MYO1E: variants seen among roughly 807,000 people sequenced by gnomAD.
MYO1E encodes myosin IE.
Under a neutral mutation model 151.1 loss-of-function variants are expected in MYO1E, and 68 were observed. The ratio of observed to expected loss-of-function variants is 0.45; its 90% confidence interval spans 0.37 to 0.55. MYO1E has a LOEUF of 0.55. Among genes scored for constraint, MYO1E ranks in the 20% least tolerant of loss-of-function variants. The pLI is 0.00. For missense variants in MYO1E, 1,363 were observed against 1,389.3 expected (o/e 0.98, Z 0.30); for synonymous variants, 601 against 501.7 (o/e 1.20, Z -2.64).
chr15:59,187,701 C>CAT (rs1267559257), intron 18 of MYO1E, among the ~76,000 whole-genome samples: 3 of 152,170 alleles, frequency 2.0e-5, no homozygotes. Flanking sequence ...CTGATGAATG[C>CAT]ATAAGTAAAC....
At chr15:59,227,365 G>C (rs1198291069) in intron 7 of MYO1E, 94 bp downstream of exon 7, 1 of 1,484,716 alleles carries the variant, frequency 6.7e-7, no homozygotes, top group Non-Finnish European at 9.3e-7. Flanking sequence ...GTCCTCCCTG[G>C]CTTCCTAGAC....
intron 15 of MYO1E, among the ~76,000 whole-genome samples, chr15:59,203,273 GCA>G (rs2079813033): frequency 6.6e-6 from 1 of 151,570 alleles, no homozygotes; most frequent in Non-Finnish European, 1.5e-5. Flanking sequence ...GATGCCAGTA[GCA>G]CACTGTTCCC....
chr15:59,266,660 G>GTTT (rs1566996542), intron 2 of MYO1E: 4 of 134,692 alleles, frequency 3.0e-5, no homozygotes, highest in Admixed American at 7.4e-5. Flanking sequence ...TTGTTTTGCT[G>GTTT]TTCTTTTTTT....
At chr15:59,268,174 A>C (rs2080267712) in intron 2 of MYO1E, among the ~76,000 whole-genome samples, 1 of 152,200 alleles carries the variant, frequency 6.6e-6, no homozygotes, top group Admixed American at 6.5e-5. Context: ...CTTAACATTG[A>C]AGTGTTAAAG....
At chr15:59,215,885 C>G (rs907189743) in intron 10 of MYO1E, among the ~76,000 whole-genome samples, 1 of 152,124 alleles carries the variant, frequency 6.6e-6, no homozygotes, top group African/African-American at 2.4e-5. Context: ...GCACCACCCC[C>G]TTGCTGACCA....
rs1396333315 is a variant in MYO1E at position 59,196,983 on chromosome 15, C to T, written c.1699-1416G>A. ...TAGATTTTAGTTTTGTATTTAATTA[C>T]GACTTTTTTTTTTTTTTTTTTTTTT... On this transcript the variant is annotated intron_variant, in intron 16 of 27. Coordinates refer to ENST00000288235, the MANE Select transcript of MYO1E (RefSeq NM_004998.4). Among the ~76,000 whole-genome samples the T allele has an allele frequency of 4.3e-4, 26 of 61,132 alleles. No individual in the cohort carries two copies. The East Asian group carries it at 5.7e-3, about 13-fold the overall frequency. 40.1% of individuals were successfully genotyped at this position (61,132 alleles called of 152,430 possible). A position where few individuals can be genotyped will look rare whatever the true frequency, so the allele number is the denominator to read the frequency against.
chr15:59,325,144 C>G (rs1199015860), intron 1 of MYO1E, among the ~76,000 whole-genome samples: 1 of 152,070 alleles, frequency 6.6e-6, no homozygotes, highest in Non-Finnish European at 1.5e-5. Flanking sequence ...AAGCGATTCT[C>G]CTGCCTCAGC....
Position 59,166,532 on chromosome 15 carries a change from G to C in MYO1E, c.2481-3229C>G, listed in dbSNP as rs1043675440. On this transcript the variant is annotated intron_variant, in intron 22 of 27. Coordinates refer to ENST00000288235, the MANE Select transcript of MYO1E (RefSeq NM_004998.4). The stretch of plus-strand genomic sequence containing the variant: ...GAAATGTTAGTTACAAAACACCAAG[G>C]AAAGTCCTGAAGGAGTTTTGTTTTT... Among the ~76,000 whole-genome samples the C allele has an allele frequency of 3.3e-5, 5 of 151,626 alleles. No individual in the cohort carries two copies. In the South Asian group the frequency reaches 1.0e-3, roughly 32 times the overall value.
chr15:59,164,307 A>T (rs564011504), intron 22 of MYO1E, among the ~76,000 whole-genome samples: 1 of 152,368 alleles, frequency 6.6e-6, no homozygotes, highest in South Asian at 2.1e-4. Flanking sequence ...AATACCAAAG[A>T]CAACCCTTTG....
chr15:59,217,174 C>G (rs2079923938), intron 10 of MYO1E, among the ~76,000 whole-genome samples: 2 of 152,286 alleles, frequency 1.3e-5, no homozygotes, highest in East Asian at 1.9e-4. Flanking sequence ...ATATCTCACC[C>G]TCAGAAACTG....
At chr15:59,303,208 C>A (rs2080493364) in intron 1 of MYO1E, among the ~76,000 whole-genome samples, 1 of 152,150 alleles carries the variant, frequency 6.6e-6, no homozygotes, top group Non-Finnish European at 1.5e-5. Flanking sequence ...ATCTAAAATG[C>A]AAAAGCCAGC....
chr15:59,359,199 G>A (rs911343245), intron 1 of MYO1E, among the ~76,000 whole-genome samples: 1 of 151,536 alleles, frequency 6.6e-6, no homozygotes, highest in African/African-American at 2.4e-5. Flanking sequence ...ACCAAGGCAG[G>A]AGAATCGCTG....
At chr15:59,220,330 T>G (rs1439632156) in intron 9 of MYO1E, among the ~76,000 whole-genome samples, 1 of 152,168 alleles carries the variant, frequency 6.6e-6, no homozygotes, top group Non-Finnish European at 1.5e-5. Context: ...GCACCTGTAA[T>G]CCCAGCTACT....
intron 25 of MYO1E, among the ~76,000 whole-genome samples, chr15:59,154,384 C>T (rs1197405230): frequency 6.6e-6 from 1 of 152,210 alleles, no homozygotes; most frequent in South Asian, 2.1e-4. Context: ...CAAGCTCTCT[C>T]AGCCAAACAG....
chr15:59,331,017 G>A (rs1246770182), intron 1 of MYO1E, among the ~76,000 whole-genome samples: 3 of 152,038 alleles, frequency 2.0e-5, no homozygotes, highest in African/African-American at 4.8e-5. Flanking sequence ...CAATCCTCCT[G>A]TGTCGTCCTC....
intron 1 of MYO1E, among the ~76,000 whole-genome samples, chr15:59,318,536 C>T (rs13329333): frequency 0.019 from 2,835 of 151,876 alleles, 89 homozygotes; most frequent in African/African-American, 0.063. Flanking sequence ...AGATTAAAAC[C>T]AAAAAACAAA....
At chr15:59,353,687 G>A (rs1479921678) in intron 1 of MYO1E, among the ~76,000 whole-genome samples, 8 of 151,598 alleles carry the variant, frequency 5.3e-5, no homozygotes, top group African/African-American at 1.9e-4. Context: ...AACCCAGGAG[G>A]TGGAGGATGC....
intron 1 of MYO1E, among the ~76,000 whole-genome samples, chr15:59,320,419 CTATAG>C (rs2080618627): frequency 6.6e-6 from 1 of 152,122 alleles, no homozygotes; most frequent in African/African-American, 2.4e-5. Flanking sequence ...TGACTTTAAA[CTATAG>C]TATAAGGGTA....
chr15:59,248,388 A>G (rs2080143381), intron 4 of MYO1E, among the ~76,000 whole-genome samples: 1 of 145,132 alleles, frequency 6.9e-6, no homozygotes, highest in Non-Finnish European at 1.5e-5. Flanking sequence ...TGGGATGCTG[A>G]GGCAGGAGAA....
Sources: allele counts gnomAD v4.1 joint callset (sites outside exome capture counted in the v4.1 genomes callset), GRCh38; gene constraint gnomAD v4.1.1; transcripts MANE v1.5; gene names NCBI Gene and HGNC (gene_info 2026-07-23, HGNC 2026-07-21).